The following USP25 variants were observed in gnomAD, a reference collection of about 807,000 sequenced individuals.
USP25 encodes ubiquitin carboxyl-terminal hydrolase 25.
A neutral mutation model predicts 158.5 loss-of-function variants in USP25; 85 were observed. The ratio of observed to expected loss-of-function variants is 0.54; its 90% CI spans 0.45 to 0.64. The LOEUF (loss-of-function observed/expected upper bound fraction) is 0.64. Among genes scored for constraint, USP25 ranks in the 30% least tolerant of loss-of-function variants. The pLI, the probability that USP25 is intolerant of heterozygous loss-of-function variation, is 0.00. For synonymous variants in USP25, 464 were observed against 460.4 expected (o/e 1.01, Z -0.10); for missense variants, 1,242 against 1,327.3 (o/e 0.94, Z 1.00).
At chr21:15,740,641 G>GTTTTTTTTTTTTTTT (rs60616271) in intron 1 of USP25, among the ~76,000 whole-genome samples, 3 of 41,242 alleles carry the variant, frequency 7.3e-5, no homozygotes, top group Non-Finnish European at 2.2e-4. Context: ...CTTTCTGGCT[G>GTTTTTTTTTTTTTTT]TTTTTTTTTT....
intron 22 of USP25, among the ~76,000 whole-genome samples, chr21:15,869,025 TG>T (rs2039773332): frequency 6.6e-6 from 1 of 152,132 alleles, no homozygotes; most frequent in African/African-American, 2.4e-5. Context: ...CACAGGGAGT[TG>T]TTTGAGGCCA....
chr21:15,827,765 C>CGTGT (rs34923569), intron 14 of USP25, among the ~76,000 whole-genome samples: 2,702 of 136,830 alleles, frequency 0.02, 37 homozygotes, highest in Non-Finnish European at 0.029. Flanking sequence ...TGTGCGTGTG[C>CGTGT]GTGTGTGTGT....
At chr21:15,731,851 A>G (rs1042902713) in intron 1 of USP25, among the ~76,000 whole-genome samples, 5 of 152,198 alleles carry the variant, frequency 3.3e-5, no homozygotes, top group Admixed American at 6.5e-5. Flanking sequence ...GAAAGAGCAC[A>G]TGGTCATGTG....
chr21:15,799,831 C>T lies in USP25; in HGVS notation c.630C>T (p.Pro210=). Residue 210 remains proline (P), a synonymous_variant, in exon 6 of 26, where the codon CCC becomes CCT. Transcript: ENST00000400183. The part of the protein sequence containing the change: ...YKPPSNAQDL[P]RNQKEHRNLP... ...CTCCATCAAATGCTCAAGATTTACC[C>T]CGAAACCAAAAGGTAAAATTCAAAA... 6.2e-7 allele frequency: 1 copy of T among 1,602,066 alleles called. No individual in the cohort carries two copies. Among genetic ancestry groups the T allele is most frequent in the Non-Finnish European group, 8.5e-7 (1 of 1,173,080 alleles).
At chr21:15,755,422 A>G (rs2123347739) in intron 1 of USP25, among the ~76,000 whole-genome samples, 1 of 152,276 alleles carries the variant, frequency 6.6e-6, no homozygotes, top group South Asian at 2.1e-4. Context: ...ATTTTACATC[A>G]ACATAATAGT....
chr21:15,853,870 G>A (rs565258095), intron 20 of USP25, among the ~76,000 whole-genome samples: 131 of 152,178 alleles, frequency 8.6e-4, no homozygotes, highest in Non-Finnish European at 1.5e-3. Flanking sequence ...AAGATCATAC[G>A]AGCCTAGCGC....
intron 19 of USP25, among the ~76,000 whole-genome samples, chr21:15,848,529 C>T (rs916556553): frequency 2.0e-5 from 3 of 149,904 alleles, no homozygotes; most frequent in African/African-American, 4.9e-5. Context: ...CAGAGGAGGC[C>T]GTAACTATTG....
At chr21:15,784,246 A>G (rs1393755300) in intron 4 of USP25, among the ~76,000 whole-genome samples, 1 of 152,216 alleles carries the variant, frequency 6.6e-6, no homozygotes, top group Non-Finnish European at 1.5e-5. Flanking sequence ...AGAAATATCA[A>G]CAGCTACAAT....
At chr21:15,731,706 T>C (rs2030925757) in intron 1 of USP25, among the ~76,000 whole-genome samples, 1 of 152,256 alleles carries the variant, frequency 6.6e-6, no homozygotes, top group African/African-American at 2.4e-5. Flanking sequence ...GTTAGAAGGA[T>C]ATTGCACACT....
chr21:15,741,361 G>A (rs1034317086), intron 1 of USP25, among the ~76,000 whole-genome samples: 2 of 150,296 alleles, frequency 1.3e-5, no homozygotes, highest in Admixed American at 6.6e-5. Flanking sequence ...TCTTTGAGAC[G>A]TATTTCTATT....
chr21:15,842,114 A>G (rs1004981433), intron 17 of USP25, among the ~76,000 whole-genome samples: 1 of 152,162 alleles, frequency 6.6e-6, no homozygotes, highest in South Asian at 2.1e-4. Context: ...TTCCAAAATG[A>G]GCTTTTGTTA....
intron 1 of USP25, among the ~76,000 whole-genome samples, chr21:15,730,999 T>TTTTTTTTTTTTTC (rs1170527971): frequency 7.0e-6 from 1 of 143,818 alleles, no homozygotes; most frequent in African/African-American, 2.7e-5. Flanking sequence ...TTTTTTTTTT[T>TTTTTTTTTTTTTC]TTCAATATAG....
chr21:15,743,661 C>A (rs1046993828), intron 1 of USP25, among the ~76,000 whole-genome samples: 2 of 152,162 alleles, frequency 1.3e-5, no homozygotes, highest in African/African-American at 4.8e-5. Flanking sequence ...GCTGTGGACT[C>A]TATCTATATC....
chr21:15,829,257 G>T lies in USP25; in HGVS notation c.1694-1274G>T, dbSNP rs368364201. ...GTTTGGTGTAAGATTATTTCATCAT[G>T]CAGGTAATAAGCACAGTACCTGATA... On this transcript the variant is annotated intron_variant, in intron 14 of 25. Coordinates refer to ENST00000400183, the MANE Select transcript of USP25 (RefSeq NM_001283041.3). Among the ~76,000 whole-genome samples the T allele has an allele frequency of 2.2e-4, 34 of 152,230 alleles. No homozygotes were observed. In the East Asian group the frequency reaches 4.1e-3, roughly 18 times the overall value.
chr21:15,860,347 G>T (rs543839958), intron 20 of USP25, among the ~76,000 whole-genome samples: 2 of 152,084 alleles, frequency 1.3e-5, no homozygotes, highest in East Asian at 3.9e-4. Context: ...TAGAGACAGG[G>T]TTTCACTGTG....
At chr21:15,877,442 T>C (rs914467215) in intron 24 of USP25, 5 of 163,356 alleles carry the variant, frequency 3.1e-5, no homozygotes, top group African/African-American at 1.2e-4. Context: ...TGAATTTCTT[T>C]ATTTTTAAAA....
chr21:15,731,001 T>TTTTTTTTC (rs2030816987), intron 1 of USP25, among the ~76,000 whole-genome samples: 3 of 115,976 alleles, frequency 2.6e-5, no homozygotes, highest in African/African-American at 9.8e-5. Context: ...TTTTTTTTTT[T>TTTTTTTTC]CAATATAGAA....
At chr21:15,815,503 CAAAG>C (rs2036892420) in intron 9 of USP25, among the ~76,000 whole-genome samples, 1 of 152,192 alleles carries the variant, frequency 6.6e-6, no homozygotes. Context: ...CTGTACCTTG[CAAAG>C]CCACAGGGGC....
intron 1 of USP25, among the ~76,000 whole-genome samples, chr21:15,756,043 G>A (rs890140144): frequency 6.6e-6 from 1 of 152,172 alleles, no homozygotes; most frequent in Admixed American, 6.5e-5. Context: ...AGTTGTCTTT[G>A]TTATATAGAT....
Sources: allele counts gnomAD v4.1 joint callset (sites outside exome capture counted in the v4.1 genomes callset), GRCh38; gene constraint gnomAD v4.1.1; transcripts MANE v1.5; gene names NCBI Gene and HGNC (gene_info 2026-07-23, HGNC 2026-07-21).